The following ARSF variants were observed in gnomAD, a reference collection of about 807,000 sequenced individuals.
ARSF encodes the protein arylsulfatase F.
In ARSF, 33 loss-of-function variants were observed where a neutral mutation model predicts 35.4. The observed-to-expected ratio is 0.93, with a 90% confidence interval of 0.71 to 1.25. ARSF has a LOEUF of 1.25. Ranked by LOEUF, ARSF falls within the 50% of genes most tolerant of loss-of-function variation. The pLI is 0.00. For missense variants in ARSF, 501 were observed against 480.2 expected, an observed-to-expected ratio of 1.04 and a Z score of -0.40; for synonymous variants, 222 against 193.1, an observed-to-expected ratio of 1.15 and a Z score of -1.24.
intron 7 of ARSF, among the ~76,000 whole-genome samples, chrX:3,099,284 G>T (rs1339253506): frequency 9.0e-6 from 1 of 111,535 alleles, no homozygotes; most frequent in African/African-American, 3.3e-5. Flanking sequence ...GTCCTCAAAA[G>T]AAAATTTATA....
At chrX:3,061,418 C>T (rs2090041164) in intron 1 of ARSF, among the ~76,000 whole-genome samples, 1 of 111,350 alleles carries the variant, frequency 9.0e-6, no homozygotes, top group Non-Finnish European at 1.9e-5. Context: ...AACCAGCTAA[C>T]ATCATAATGA....
intron 8 of ARSF, 110 bp downstream of exon 8, chrX:3,101,331 T>G: frequency 1.1e-6 from 1 of 898,465 alleles, no homozygotes; most frequent in Non-Finnish European, 1.5e-6. Flanking sequence ...CTGAACAAGT[T>G]TGTTTAATTT....
intron 2 of ARSF, among the ~76,000 whole-genome samples, chrX:3,071,389 C>T (rs1603464340): frequency 9.1e-6 from 1 of 110,458 alleles, no homozygotes; most frequent in Non-Finnish European, 1.9e-5. Flanking sequence ...CTGCAACCTC[C>T]GCCTCCCGGG....
chrX:3,061,952 C>T (rs2090043728), intron 1 of ARSF, among the ~76,000 whole-genome samples: 1 of 111,623 alleles, frequency 9.0e-6, no homozygotes, highest in Non-Finnish European at 1.9e-5. Flanking sequence ...CCAAGTGGAC[C>T]TAATAGACAT....
At chrX:3,044,033 C>T (rs1319712790) in intron 1 of ARSF, among the ~76,000 whole-genome samples, 1 of 111,506 alleles carries the variant, frequency 9.0e-6, no homozygotes, top group Non-Finnish European at 1.9e-5. Flanking sequence ...GCGATCCACC[C>T]GTCTTGGCCT....
At chrX:3,064,117 T>A (rs1174441611) in intron 1 of ARSF, among the ~76,000 whole-genome samples, 1 of 111,267 alleles carries the variant, frequency 9.0e-6, no homozygotes, top group African/African-American at 3.3e-5. Context: ...TATAGACCAA[T>A]GGAACAGAAC....
At chrX:3,103,496 A>G (rs1348863379) in intron 8 of ARSF, among the ~76,000 whole-genome samples, 1 of 111,712 alleles carries the variant, frequency 9.0e-6, no homozygotes, top group Non-Finnish European at 1.9e-5. Context: ...TTGAGATAAG[A>G]ACACTTTAAG....
intron 7 of ARSF, among the ~76,000 whole-genome samples, chrX:3,093,129 C>T (rs1423372392): frequency 2.7e-5 from 3 of 111,610 alleles, no homozygotes; most frequent in Non-Finnish European, 5.6e-5. Context: ...CGCGCCACTG[C>T]ACTCCAGCCT....
At chrX:3,043,943 G>A (rs1451160754) in intron 1 of ARSF, among the ~76,000 whole-genome samples, 1 of 110,395 alleles carries the variant, frequency 9.1e-6, no homozygotes, top group African/African-American at 3.3e-5. Flanking sequence ...ATACTATCTC[G>A]CCCAGCTAAT....
chrX:3,103,223 G>T (rs942413950), intron 8 of ARSF, among the ~76,000 whole-genome samples: 1 of 111,194 alleles, frequency 9.0e-6, no homozygotes, highest in African/African-American at 3.3e-5. Context: ...TCCTACTGGA[G>T]GGAGGCACAG....
At chrX:3,085,071 T>C (rs907637009) in intron 6 of ARSF, among the ~76,000 whole-genome samples, 9 of 110,320 alleles carry the variant, frequency 8.2e-5, no homozygotes, top group South Asian at 3.8e-4. Context: ...TGAAGACCAG[T>C]TGGACTCTTC....
intron 1 of ARSF, among the ~76,000 whole-genome samples, chrX:3,047,470 C>T (rs2089980037): frequency 1.8e-5 from 1 of 55,267 alleles, no homozygotes; most frequent in Non-Finnish European, 3.4e-5. Context: ...GTGATCCACT[C>T]TGCCCACCGA....
At chrX:3,093,116 G>C (rs2090311315) in intron 7 of ARSF, among the ~76,000 whole-genome samples, 1 of 111,370 alleles carries the variant, frequency 9.0e-6, no homozygotes, top group South Asian at 3.8e-4. Flanking sequence ...CAGTGGCCGA[G>C]ATCGCGCCAC....
chrX:3,093,151 C>G (rs56398452), intron 7 of ARSF, among the ~76,000 whole-genome samples: 1 of 111,113 alleles, frequency 9.0e-6, no homozygotes, highest in Non-Finnish European at 1.9e-5. Context: ...GGCAACGGAG[C>G]GAGACTCCGT....
In ARSF at chrX:3,103,932, C is replaced by CA. The variant is rs759994837; in HGVS notation, c.1265+9dup. 6.7e-5 allele frequency: 81 copies of CA among 1,202,676 alleles called. No homozygotes were observed. The highest frequency in any genetic ancestry group is 8.4e-5 in the Non-Finnish European group (75 of 890,608). On this transcript the variant is annotated intron_variant, in intron 9 of 10. Transcript: ENST00000381127. ...AAGTCTCCCTCAGGACAGGTGATGT[C>CA]ATATAAACTGTTAACAAGAGCTTAT...
intron 7 of ARSF, among the ~76,000 whole-genome samples, chrX:3,092,872 T>TACATACA (rs1246209772): frequency 8.9e-6 from 1 of 112,418 alleles, no homozygotes; most frequent in African/African-American, 3.2e-5. Flanking sequence ...CCTTCCTGCC[T>TACATACA]TTTATAATTA....
At chrX:3,105,607 G>C (rs2090406196) in intron 9 of ARSF, among the ~76,000 whole-genome samples, 2 of 111,296 alleles carry the variant, frequency 1.8e-5, no homozygotes, top group South Asian at 7.7e-4. Flanking sequence ...TGGGACTACA[G>C]GCACCGGCCA....
rs191162703 is a variant in ARSF at position 3,057,553 on chromosome X, C to A, written c.-28-10520C>A. 1.7e-3 allele frequency among the ~76,000 whole-genome samples: 194 copies of A among 111,595 alleles called. 1 individual carries two copies. The highest frequency in any genetic ancestry group is 7.1e-4 in the Non-Finnish European group (38 of 53,179). ...TCAAAGGCTATGCACAGATAACACG[C>A]CAATCCTGATTTCACCCATGAGAAA... On this transcript the variant is annotated intron_variant, in intron 1 of 10. Transcript: ENST00000381127.
intron 1 of ARSF, among the ~76,000 whole-genome samples, chrX:3,066,420 C>A (rs1301122904): frequency 2.7e-5 from 3 of 111,092 alleles, no homozygotes; most frequent in African/African-American, 9.8e-5. Context: ...TCCCCACCAC[C>A]TTTAGTTGGG....
Sources: allele counts gnomAD v4.1 joint callset (sites outside exome capture counted in the v4.1 genomes callset), GRCh38; gene constraint gnomAD v4.1.1; transcripts MANE v1.5; gene names NCBI Gene and HGNC (gene_info 2026-07-23, HGNC 2026-07-21).